LMBR1: variants seen among roughly 807,000 people sequenced by gnomAD.
LMBR1 encodes limb development membrane protein 1, also known as limb region 1 protein homolog.
LMBR1 carries 52 observed loss-of-function variants against 73.9 expected under a neutral mutation model. The ratio of observed to expected loss-of-function variants is 0.70; its 90% CI spans 0.56 to 0.89. The LOEUF (loss-of-function observed/expected upper bound fraction) is 0.89. Ranked by LOEUF, LMBR1 falls within the 40% of genes least tolerant of loss-of-function variation. LMBR1 has a pLI of 0.00. For synonymous variants in LMBR1, 215 were observed against 209.4 expected (o/e 1.03, Z -0.23); for missense variants, 539 against 579.8 (o/e 0.93, Z 0.72).
intron 1 of LMBR1, among the ~76,000 whole-genome samples, chr7:156,839,126 T>C (rs892816248): frequency 3.3e-4 from 50 of 150,948 alleles, no homozygotes; most frequent in Middle Eastern, 3.4e-3. Context: ...CTTGGCTCAT[T>C]GCAACCTCCA....
intron 9 of LMBR1, among the ~76,000 whole-genome samples, chr7:156,755,783 G>A (rs143843906): frequency 2.6e-4 from 40 of 152,228 alleles, no homozygotes; most frequent in African/African-American, 8.7e-4. Context: ...TTCCTGGATC[G>A]AAGGAAAAAG....
chr7:156,725,202 G>A (rs1815482067), intron 14 of LMBR1, among the ~76,000 whole-genome samples: 1 of 152,168 alleles, frequency 6.6e-6, no homozygotes, highest in Non-Finnish European at 1.5e-5. Flanking sequence ...TCTATAGCTA[G>A]TTAACAAGCT....
At chr7:156,839,859 C>T (rs1190702698) in intron 1 of LMBR1, among the ~76,000 whole-genome samples, 2 of 152,210 alleles carry the variant, frequency 1.3e-5, no homozygotes, top group African/African-American at 4.8e-5. Context: ...AGCATCGCTA[C>T]CTTCTCCCAA....
chr7:156,707,950 C>A (rs1381751355), intron 15 of LMBR1, among the ~76,000 whole-genome samples: 1 of 151,658 alleles, frequency 6.6e-6, no homozygotes, highest in Non-Finnish European at 1.5e-5. Flanking sequence ...ATGGATCCCC[C>A]CACAAAAAAG....
At chr7:156,833,687 A>G in intron 3 of LMBR1, 66 bp downstream of exon 3, 1 of 1,175,078 alleles carries the variant, frequency 8.5e-7, no homozygotes, top group Admixed American at 1.9e-5. Flanking sequence ...CAAAAATTAG[A>G]ATTGGATTTT....
intron 5 of LMBR1, 53 bp downstream of exon 5, chr7:156,796,336 T>G: frequency 1.5e-5 from 18 of 1,164,874 alleles, no homozygotes; most frequent in Non-Finnish European, 2.1e-5. Flanking sequence ...TCAATGTGAA[T>G]GATATTTAAT....
At chr7:156,747,463 T>C (rs1452093326) in intron 9 of LMBR1, among the ~76,000 whole-genome samples, 1 of 152,162 alleles carries the variant, frequency 6.6e-6, no homozygotes, top group African/African-American at 2.4e-5. Context: ...AGCCTTCATA[T>C]ATAAAAGGAG....
At chr7:156,801,515 T>TG (rs1384240489) in intron 4 of LMBR1, among the ~76,000 whole-genome samples, 1 of 152,196 alleles carries the variant, frequency 6.6e-6, no homozygotes, top group African/African-American at 2.4e-5. Flanking sequence ...AAGGTATGCC[T>TG]GTCACTGTTA....
chr7:156,819,852 A>G (rs1479291473), intron 4 of LMBR1, among the ~76,000 whole-genome samples: 1 of 152,140 alleles, frequency 6.6e-6, no homozygotes, highest in Non-Finnish European at 1.5e-5. Context: ...CCAGAAGGCA[A>G]TTAATGGAAT....
intron 15 of LMBR1, among the ~76,000 whole-genome samples, chr7:156,717,909 C>T (rs1813571420): frequency 1.3e-5 from 2 of 152,058 alleles, no homozygotes; most frequent in Admixed American, 1.3e-4. Context: ...AAGCTGTAAA[C>T]CAAAGACATT....
chr7:156,854,131 A>G (rs538252456), intron 1 of LMBR1, among the ~76,000 whole-genome samples: 1 of 152,286 alleles, frequency 6.6e-6, no homozygotes, highest in Non-Finnish European at 1.5e-5. Flanking sequence ...CGTAACAAGA[A>G]AAAAACTGAA....
rs1438166436 is a variant in LMBR1 at position 156,681,034 on chromosome 7, T to C, written c.*3044A>G. ...AAATGTTATTTTTAAAAGTTAACATTATACCAGTTTTTTCAAGTTTAAAAA... is the reference window on the plus strand; with the variant it reads ...AAATGTTATTTTTAAAAGTTAACATCATACCAGTTTTTTCAAGTTTAAAAA... On this transcript the variant is annotated 3_prime_UTR_variant, in exon 17 of 17. Coordinates refer to ENST00000353442, the MANE Select transcript of LMBR1 (RefSeq NM_022458.4). The C allele has an allele frequency of 5.2e-6, 2 of 385,914 alleles. No individual in the cohort carries two copies. Among genetic ancestry groups the C allele is most frequent in the Non-Finnish European group, 9.7e-6 (2 of 205,238 alleles). 23.9% of individuals were successfully genotyped at this position (385,914 alleles called of 1,614,324 possible).
chr7:156,755,861 GTAGA>G (rs1449565098), intron 9 of LMBR1, among the ~76,000 whole-genome samples: 1 of 152,140 alleles, frequency 6.6e-6, no homozygotes, highest in African/African-American at 2.4e-5. Context: ...AAGAAAGTAG[GTAGA>G]TACCTGTTTC....
intron 1 of LMBR1, among the ~76,000 whole-genome samples, chr7:156,868,884 G>A (rs1210155544): frequency 4.6e-5 from 7 of 152,150 alleles, no homozygotes; most frequent in Non-Finnish European, 1.0e-4. Flanking sequence ...AAGATCACCT[G>A]AGCCCGGTAG....
At chr7:156,782,072 A>C (rs1220902540) in intron 5 of LMBR1, among the ~76,000 whole-genome samples, 5 of 152,218 alleles carry the variant, frequency 3.3e-5, no homozygotes, top group African/African-American at 4.8e-5. Flanking sequence ...ATTTAAGGAG[A>C]ATCATATAGA....
intron 1 of LMBR1, among the ~76,000 whole-genome samples, chr7:156,861,756 C>T (rs185297963): frequency 6.6e-6 from 1 of 152,190 alleles, no homozygotes; most frequent in African/African-American, 2.4e-5. Flanking sequence ...TTCAACAAAT[C>T]TTTAGGGTGG....
chr7:156,868,703 C>T (rs1798832330), intron 1 of LMBR1, among the ~76,000 whole-genome samples: 1 of 151,426 alleles, frequency 6.6e-6, no homozygotes, highest in African/African-American at 2.4e-5. Context: ...AGGTGGCTCA[C>T]ACCTGTAATC....
chr7:156,706,605 TAAC>T lies in LMBR1; in HGVS notation c.1225+17504_1225+17506del, dbSNP rs143460521. 1.7e-3 allele frequency among the ~76,000 whole-genome samples: 252 copies of T among 151,818 alleles called. 1 individual carries two copies. The East Asian group carries it at 0.042, about 25-fold the overall frequency. ...AGAAAACATACAAGTACACAGAAAT[TAAC>T]AACATGCCTCTGAATGACCATTGGG... is the stretch of plus-strand genomic sequence containing the variant. On this transcript the variant is annotated intron_variant, in intron 15 of 16. Transcript: ENST00000353442.
intron 1 of LMBR1, among the ~76,000 whole-genome samples, chr7:156,866,565 T>C (rs1435612438): frequency 6.6e-6 from 1 of 151,090 alleles, no homozygotes; most frequent in Non-Finnish European, 1.5e-5. Flanking sequence ...GACTAAGACA[T>C]GTAGGACATA....
Sources: allele counts gnomAD v4.1 joint callset (sites outside exome capture counted in the v4.1 genomes callset), GRCh38; gene constraint gnomAD v4.1.1; transcripts MANE v1.5; gene names NCBI Gene and HGNC (gene_info 2026-07-23, HGNC 2026-07-21).